ZNF385D: variants seen among roughly 807,000 people sequenced by gnomAD.
ZNF385D encodes the protein zinc finger protein 659.
Under a neutral mutation model 35.8 loss-of-function variants are expected in ZNF385D, and 15 were observed. That is an observed-to-expected ratio of 0.42 (90% CI 0.28 to 0.64). ZNF385D has a LOEUF of 0.64. Among genes scored for constraint, ZNF385D ranks in the 30% least tolerant of loss-of-function variants. ZNF385D has a pLI of 0.23. For synonymous variants in ZNF385D, 212 were observed against 186.8 expected (o/e 1.13, Z -1.10); for missense variants, 474 against 494.6 (o/e 0.96, Z 0.39).
At position 22,087,785 on chromosome 3, in the gene ZNF385D, G is replaced by A. The variant is rs543280018; in HGVS notation, c.325+81032C>T. On this transcript the variant is annotated intron_variant, in intron 3 of 5. Coordinates refer to the ZNF385D transcript ENST00000494108. ...AGAAATTAGTGATTTATTAATAATGGGAAAAAGAAGATGTAACAGTGAGAA... is the reference window on the plus strand; with the variant it reads ...AGAAATTAGTGATTTATTAATAATGAGAAAAAGAAGATGTAACAGTGAGAA... Among the ~76,000 whole-genome samples the A allele has an allele frequency of 2.3e-4, 35 of 152,062 alleles. No homozygotes were observed. The East Asian group carries it at 6.2e-3, about 27-fold the overall frequency.
At position 22,013,877 on chromosome 3, in the gene ZNF385D, A is replaced by T. The variant is rs546194659; in HGVS notation, c.325+154940T>A. ...AATAAGCCAACTGGGCTGAAGGTTC[A>T]CTGCAACCTTATCTAATTAAGTACA... is the stretch of plus-strand genomic sequence containing the variant. On this transcript the variant is annotated intron_variant, in intron 3 of 5. Transcript: ENST00000494108. Among the ~76,000 whole-genome samples, 9 of 152,170 alleles carry T rather than the reference A, an allele frequency of 5.9e-5. No homozygotes were observed. The East Asian group carries it at 1.6e-3, about 26-fold the overall frequency.
chr3:21,901,180 C>G (rs1368913048), intron 3 of ZNF385D, among the ~76,000 whole-genome samples: 3 of 152,152 alleles, frequency 2.0e-5, no homozygotes, highest in African/African-American at 7.2e-5. Flanking sequence ...AATTAAAAGG[C>G]TATGTTTAAG....
At chr3:21,602,604 C>T (rs921842932) in intron 2 of ZNF385D, among the ~76,000 whole-genome samples, 11 of 141,384 alleles carry the variant, frequency 7.8e-5, no homozygotes, top group Non-Finnish European at 1.6e-4. Flanking sequence ...GCAATCTCGG[C>T]TCACTGCAAG....
intron 4 of ZNF385D, among the ~76,000 whole-genome samples, chr3:21,488,209 A>G (rs745532881): frequency 2.1e-4 from 32 of 152,024 alleles, no homozygotes; most frequent in Non-Finnish European, 1.5e-4. Context: ...ATGTACTTCA[A>G]TGAGGATTAC....
At chr3:21,460,889 A>C (rs553149029) in intron 4 of ZNF385D, among the ~76,000 whole-genome samples, 23 of 152,280 alleles carry the variant, frequency 1.5e-4, no homozygotes, top group African/African-American at 5.3e-4. Flanking sequence ...GAAAAATATT[A>C]AGTTGTTTAC....
intron 1 of ZNF385D, among the ~76,000 whole-genome samples, chr3:21,702,325 C>T (rs949818943): frequency 4.6e-5 from 7 of 152,224 alleles, no homozygotes; most frequent in African/African-American, 1.7e-4. Context: ...AGCCTGAGCT[C>T]TACATTGGTC....
At chr3:21,922,208 T>G (rs1168270668) in intron 3 of ZNF385D, among the ~76,000 whole-genome samples, 2 of 152,180 alleles carry the variant, frequency 1.3e-5, no homozygotes, top group African/African-American at 2.4e-5. Context: ...ATGGCCATAC[T>G]GCCCAAAGCA....
rs925195681 is a variant in ZNF385D at position 21,539,422 on chromosome 3, A to G, written c.276+25152T>C. On this transcript the variant is annotated intron_variant, in intron 3 of 7. Coordinates refer to ENST00000281523, the MANE Select transcript of ZNF385D (RefSeq NM_024697.3). The surrounding 1 kb of genome is among the most constrained non-coding windows in gnomAD (Gnocchi z 4.0). ...GCCTATTTCAATCAAAAATAGATAT[A>G]TATCACTGTCATAGGCAGTTCAACC... Among the ~76,000 whole-genome samples, 1 of 152,336 alleles carries G rather than the reference A, an allele frequency of 6.6e-6. No homozygotes were observed. The highest frequency in any genetic ancestry group is 1.9e-4 in the East Asian group (1 of 5,192).
At chr3:22,090,066 C>T (rs1701250910) in intron 3 of ZNF385D, among the ~76,000 whole-genome samples, 1 of 152,122 alleles carries the variant, frequency 6.6e-6, no homozygotes, top group South Asian at 2.1e-4. Context: ...TCTTGATCTC[C>T]TGACCTTGTG....
intron 3 of ZNF385D, among the ~76,000 whole-genome samples, chr3:21,562,372 C>T (rs1048321997): frequency 2.6e-5 from 4 of 152,004 alleles, no homozygotes; most frequent in African/African-American, 7.3e-5. Context: ...TGACATCAAT[C>T]TACAGAATTA....
chr3:21,492,237 A>C (rs977801969), intron 4 of ZNF385D, among the ~76,000 whole-genome samples: 3 of 152,126 alleles, frequency 2.0e-5, no homozygotes, highest in African/African-American at 7.2e-5. Flanking sequence ...GTTTTTAAGT[A>C]ATGACAAATA....
intron 3 of ZNF385D, among the ~76,000 whole-genome samples, chr3:22,064,875 G>C (rs1261667286): frequency 1.3e-5 from 2 of 152,200 alleles, no homozygotes; most frequent in Non-Finnish European, 2.9e-5. Flanking sequence ...GCACAGCATG[G>C]TGATTACAGT....
chr3:22,369,386 C>T (rs933147191), intron 2 of ZNF385D, among the ~76,000 whole-genome samples: 4 of 152,054 alleles, frequency 2.6e-5, no homozygotes, highest in East Asian at 1.9e-4. Context: ...TGCAGTTTGA[C>T]GATTCAAGTT....
intron 7 of ZNF385D, among the ~76,000 whole-genome samples, chr3:21,422,700 A>C (rs1226423118): frequency 1.3e-5 from 2 of 152,234 alleles, no homozygotes; most frequent in East Asian, 3.9e-4. Flanking sequence ...CAAATCAATA[A>C]TTGTGATTCA....
At chr3:22,181,827 C>G (rs1695300471) in intron 2 of ZNF385D, among the ~76,000 whole-genome samples, 1 of 151,988 alleles carries the variant, frequency 6.6e-6, no homozygotes, top group South Asian at 2.1e-4. Flanking sequence ...GCTGCCAAAG[C>G]TTTTTCATGT....
At chr3:22,161,744 AGAG>A (rs1242152926) in intron 3 of ZNF385D, among the ~76,000 whole-genome samples, 1 of 152,188 alleles carries the variant, frequency 6.6e-6, no homozygotes, top group Non-Finnish European at 1.5e-5. Flanking sequence ...CTCAGCAGTT[AGAG>A]TTGTTGATGA....
rs148345474 is a variant in ZNF385D at position 21,991,172 on chromosome 3, G to A, written c.325+177645C>T. Reference sequence around the variant, plus strand: ...TGTCAGTGTTTTATGCATGTGTTTGGTTCCATAAGCAAACTAATTAAAATG... The same window carrying A: ...TGTCAGTGTTTTATGCATGTGTTTGATTCCATAAGCAAACTAATTAAAATG... On this transcript the variant is annotated intron_variant, in intron 3 of 5. Coordinates refer to the ZNF385D transcript ENST00000494108. 2.6e-3 allele frequency among the ~76,000 whole-genome samples: 401 copies of A among 152,234 alleles called. 2 individuals are homozygous for A. Among genetic ancestry groups the A allele is most frequent in the African/African-American group, 9.2e-3 (382 of 41,520 alleles).
intron 3 of ZNF385D, among the ~76,000 whole-genome samples, chr3:21,929,310 C>T (rs1700890155): frequency 6.6e-6 from 1 of 151,922 alleles, no homozygotes; most frequent in Admixed American, 6.6e-5. Context: ...AAAAAAAGAA[C>T]TTTCTCAAAC....
At chr3:21,731,883 G>C (rs926915818) in intron 1 of ZNF385D, among the ~76,000 whole-genome samples, 3 of 152,090 alleles carry the variant, frequency 2.0e-5, no homozygotes, top group Middle Eastern at 6.8e-3. Context: ...TCACTTGGTA[G>C]TTCATTTATT....
Sources: gnomAD v4.1 joint callset for allele counts (sites outside exome capture counted in the v4.1 genomes callset) on GRCh38, gnomAD v4.1.1 for gene constraint, Gnocchi (gnomAD v3.1) non-coding constraint, MANE v1.5 for transcripts, NCBI Gene and HGNC (gene_info 2026-07-23, HGNC 2026-07-21) for gene names.